The following NMNAT3 variants were observed in gnomAD, a reference collection of about 807,000 sequenced individuals.
NMNAT3 encodes nicotinamide nucleotide adenylyltransferase 3.
A neutral mutation model predicts 24.8 loss-of-function variants in NMNAT3; 21 were observed. The ratio of observed to expected loss-of-function variants is 0.85; its 90% CI spans 0.60 to 1.22. NMNAT3 has a LOEUF of 1.22. NMNAT3 is among the 50% of genes most tolerant of loss of function. NMNAT3 has a pLI of 0.00. For missense variants in NMNAT3, 387 were observed against 436.6 expected (o/e 0.89, Z 1.01); for synonymous variants, 136 against 155.2 (o/e 0.88, Z 0.92).
intron 2 of NMNAT3, among the ~76,000 whole-genome samples, chr3:139,633,964 C>T (rs2056402622): frequency 6.6e-6 from 1 of 152,192 alleles, no homozygotes; most frequent in South Asian, 2.1e-4. Flanking sequence ...CAGAAAGTCT[C>T]AGGACGGCCC....
intron 1 of NMNAT3, among the ~76,000 whole-genome samples, chr3:139,661,453 G>A (rs2057413981): frequency 6.6e-6 from 1 of 152,208 alleles, no homozygotes; most frequent in African/African-American, 2.4e-5. Context: ...AGGATCACTT[G>A]TAGCCAGGAG....
intron 3 of NMNAT3, among the ~76,000 whole-genome samples, chr3:139,614,920 G>A (rs2055414522): frequency 6.6e-6 from 1 of 152,292 alleles, no homozygotes; most frequent in African/African-American, 2.4e-5. Flanking sequence ...GCTAAATGGT[G>A]GTTTTCTGAT....
At chr3:139,618,856 C>T (rs919971769) in intron 3 of NMNAT3, among the ~76,000 whole-genome samples, 4 of 152,150 alleles carry the variant, frequency 2.6e-5, no homozygotes, top group Non-Finnish European at 5.9e-5. Context: ...AAGGAAAATT[C>T]ACTCCACATA....
intron 1 of NMNAT3, among the ~76,000 whole-genome samples, chr3:139,674,554 G>A (rs1448639141): frequency 6.6e-6 from 1 of 152,256 alleles, no homozygotes; most frequent in African/African-American, 2.4e-5. Context: ...GATTTATCGA[G>A]ATGATAAAAT....
At chr3:139,671,423 A>G (rs932618883) in intron 1 of NMNAT3, among the ~76,000 whole-genome samples, 5 of 152,224 alleles carry the variant, frequency 3.3e-5, no homozygotes, top group Admixed American at 6.5e-5. Flanking sequence ...TGGTGCAGAG[A>G]GCATTTTTAT....
At chr3:139,591,034 T>G (rs2108164722) in intron 3 of NMNAT3, among the ~76,000 whole-genome samples, 1 of 151,954 alleles carries the variant, frequency 6.6e-6, no homozygotes, top group East Asian at 1.9e-4. Context: ...AGACGGGTGA[T>G]TTCTGCATTT....
At chr3:139,622,904 G>GC (rs1473402132) in intron 3 of NMNAT3, among the ~76,000 whole-genome samples, 10 of 146,590 alleles carry the variant, frequency 6.8e-5, no homozygotes, top group African/African-American at 2.5e-4. Flanking sequence ...CATGAATGGA[G>GC]CTGCAGGACT....
intron 3 of NMNAT3, among the ~76,000 whole-genome samples, chr3:139,591,473 C>G (rs1221610645): frequency 1.3e-5 from 2 of 152,162 alleles, no homozygotes; most frequent in Admixed American, 1.3e-4. Flanking sequence ...CACCACAGCT[C>G]AAGGAGGCCT....
intron 6 of NMNAT3, among the ~76,000 whole-genome samples, chr3:139,563,024 T>C (rs2107982412): frequency 6.6e-6 from 1 of 152,320 alleles, no homozygotes; most frequent in East Asian, 1.9e-4. Context: ...AAAATGAGGA[T>C]ATTACCCTTC....
intron 1 of NMNAT3, among the ~76,000 whole-genome samples, chr3:139,669,231 G>A (rs13319372): frequency 1.3e-5 from 2 of 152,162 alleles, no homozygotes; most frequent in African/African-American, 2.4e-5. Context: ...TCAGCACTTC[G>A]GGAGGCCAAG....
intron 3 of NMNAT3, among the ~76,000 whole-genome samples, chr3:139,619,462 A>G (rs915753824): frequency 1.3e-5 from 2 of 152,164 alleles, no homozygotes; most frequent in African/African-American, 4.8e-5. Context: ...TCAATTATCT[A>G]TGTACGCTGT....
At chr3:139,611,216 C>T (rs529504599) in intron 3 of NMNAT3, among the ~76,000 whole-genome samples, 7 of 152,084 alleles carry the variant, frequency 4.6e-5, no homozygotes, top group Non-Finnish European at 1.0e-4. Flanking sequence ...TTCTTTCTTC[C>T]ATGCATAGTT....
chr3:139,630,745 A>G (rs1176035893), intron 2 of NMNAT3, among the ~76,000 whole-genome samples: 7 of 152,110 alleles, frequency 4.6e-5, no homozygotes, highest in South Asian at 2.1e-4. Context: ...AATACCCCCA[A>G]CTGTGTGGGA....
intron 6 of NMNAT3, among the ~76,000 whole-genome samples, chr3:139,572,896 C>G (rs892632990): frequency 3.3e-5 from 5 of 152,200 alleles, no homozygotes; most frequent in Non-Finnish European, 7.3e-5. Flanking sequence ...CAGTGTTCCA[C>G]CAACCAAAGT....
At chr3:139,592,178 G>A (rs2054223864) in intron 3 of NMNAT3, among the ~76,000 whole-genome samples, 1 of 152,188 alleles carries the variant, frequency 6.6e-6, no homozygotes, top group Admixed American at 6.5e-5. Context: ...GAATGCAGAA[G>A]CCTCAGGAGC....
intron 1 of NMNAT3, among the ~76,000 whole-genome samples, chr3:139,660,244 G>C (rs2057373003): frequency 6.6e-6 from 1 of 152,132 alleles, no homozygotes; most frequent in South Asian, 2.1e-4. Flanking sequence ...GGTCCACCGG[G>C]AATTAACCTA....
intron 2 of NMNAT3, among the ~76,000 whole-genome samples, chr3:139,629,200 A>G (rs1158381776): frequency 1.3e-5 from 2 of 152,220 alleles, no homozygotes; most frequent in African/African-American, 2.4e-5. Flanking sequence ...TGCAGCCAGC[A>G]GGCAGGTTGT....
intron 1 of NMNAT3, among the ~76,000 whole-genome samples, chr3:139,655,626 T>TGAA (rs35728382): frequency 0.54 from 82,216 of 151,880 alleles, 22,680 homozygotes; most frequent in East Asian, 0.73. Context: ...CTTCTCTAGA[T>TGAA]GAAGAAGAAG....
intron 1 of NMNAT3, among the ~76,000 whole-genome samples, chr3:139,657,055 ATCT>A (rs1018209880): frequency 1.3e-5 from 2 of 152,174 alleles, no homozygotes; most frequent in African/African-American, 4.8e-5. Context: ...AAGTGCTATC[ATCT>A]TCTTTCTGAT....
Sources: allele counts gnomAD v4.1 joint callset (sites outside exome capture counted in the v4.1 genomes callset), GRCh38; gene constraint gnomAD v4.1.1; transcripts MANE v1.5; gene names NCBI Gene and HGNC (gene_info 2026-07-23, HGNC 2026-07-21).